Variants in SDK1 observed in about 807,000 individuals in gnomAD.
The protein encoded by SDK1 is sidekick cell adhesion molecule 1, also known as protein sidekick-1.
In SDK1, 157 loss-of-function variants were observed where a neutral mutation model predicts 245.5. The observed-to-expected ratio is 0.64, with a 90% CI of 0.56 to 0.73. The LOEUF is 0.73. Among genes scored for constraint, SDK1 ranks in the 30% least tolerant of loss-of-function variants. The pLI is 0.00. For missense variants in SDK1, 3,583 were observed against 3,002.3 expected (o/e 1.19, Z -4.52); for synonymous variants, 1,647 against 1,278.5 (o/e 1.29, Z -6.15).
At chr7:3,337,401 A>G (rs1338447420) in intron 1 of SDK1, among the ~76,000 whole-genome samples, 3 of 152,136 alleles carry the variant, frequency 2.0e-5, no homozygotes, top group South Asian at 4.1e-4. Context: ...CTCTGGAGTG[A>G]TGATAAAAGA....
At chr7:3,687,596 C>T (rs548278915) in intron 4 of SDK1, among the ~76,000 whole-genome samples, 3 of 152,220 alleles carry the variant, frequency 2.0e-5, no homozygotes, top group African/African-American at 7.2e-5. Context: ...CAAGAAATGG[C>T]GGTGATGAAA....
intron 2 of SDK1, among the ~76,000 whole-genome samples, chr7:3,635,349 A>G (rs1175773744): frequency 1.3e-5 from 2 of 152,306 alleles, no homozygotes; most frequent in South Asian, 2.1e-4. Flanking sequence ...ACATAGTTTG[A>G]TTAATTTTTG....
chr7:4,041,569 C>T, intron 17 of SDK1, among the ~76,000 whole-genome samples: 1 of 152,046 alleles, frequency 6.6e-6, no homozygotes, highest in East Asian at 1.9e-4. Context: ...GAAGAGTTTC[C>T]TTGCCCTCAA....
At chr7:3,612,511 C>T (rs1781625184) in intron 1 of SDK1, among the ~76,000 whole-genome samples, 1 of 152,104 alleles carries the variant, frequency 6.6e-6, no homozygotes, top group Admixed American at 6.5e-5. Context: ...CTACACTTAC[C>T]AGAAAAGGAT....
At chr7:3,741,908 T>C (rs1461486805) in intron 4 of SDK1, among the ~76,000 whole-genome samples, 1 of 151,794 alleles carries the variant, frequency 6.6e-6, no homozygotes, top group African/African-American at 2.4e-5. Context: ...TCAAAAGCAA[T>C]ATCCAGGTAT....
At chr7:3,471,762 G>A (rs1330082421) in intron 1 of SDK1, among the ~76,000 whole-genome samples, 1 of 152,050 alleles carries the variant, frequency 6.6e-6, no homozygotes, top group Non-Finnish European at 1.5e-5. Context: ...AGCTTTGTAT[G>A]GTTTTACTTT....
Position 4,055,290 on chromosome 7 carries a change from G to T in SDK1, c.2911+3460G>T, listed in dbSNP as rs544035569. Among the ~76,000 whole-genome samples, 4 of 152,244 alleles carry T rather than the reference G, an allele frequency of 2.6e-5. No homozygotes were observed. In the South Asian group the frequency reaches 6.2e-4, roughly 24 times the overall value. The stretch of plus-strand genomic sequence containing the variant: ...TTATAAATGGTTTTAGGACTATCCA[G>T]GTTGTCTGTTTCATCTTGGCTGAGT... On this transcript the variant is annotated intron_variant, in intron 19 of 44. Coordinates refer to ENST00000404826, the MANE Select transcript of SDK1 (RefSeq NM_152744.4).
intron 1 of SDK1, among the ~76,000 whole-genome samples, chr7:3,343,685 C>A (rs1014413903): frequency 3.3e-5 from 5 of 151,726 alleles, no homozygotes; most frequent in African/African-American, 9.7e-5. Flanking sequence ...GTATTTCTTA[C>A]AACTGCTTGT....
intron 4 of SDK1, among the ~76,000 whole-genome samples, chr7:3,727,505 T>C (rs1779043890): frequency 6.6e-6 from 1 of 152,146 alleles, no homozygotes; most frequent in Non-Finnish European, 1.5e-5. Flanking sequence ...TTTTCTTTTT[T>C]TTTGAGACGG....
At chr7:4,120,357 C>G (rs75683295) in intron 25 of SDK1, among the ~76,000 whole-genome samples, 33,731 of 148,258 alleles carry the variant, frequency 0.23, 6,432 homozygotes, top group Middle Eastern at 0.33. Context: ...AGAGAAAAAT[C>G]TTAAAAACAA....
intron 9 of SDK1, among the ~76,000 whole-genome samples, chr7:3,965,467 T>C (rs1012394907): frequency 1.3e-5 from 2 of 152,206 alleles, no homozygotes; most frequent in Non-Finnish European, 2.9e-5. Context: ...GATTATGTTA[T>C]CTGTTTTGTA....
At chr7:3,459,552 T>G (rs140678107) in intron 1 of SDK1, among the ~76,000 whole-genome samples, 1 of 152,216 alleles carries the variant, frequency 6.6e-6, no homozygotes, top group Admixed American at 6.5e-5. Context: ...CTTTCCTGTT[T>G]CAAGAAGGAA....
chr7:3,951,768 G>A lies in SDK1; in HGVS notation c.998G>A (p.Gly333Glu), dbSNP rs1175553491. The A allele has an allele frequency of 2.5e-6, 4 of 1,613,852 alleles. No homozygotes were observed. In the East Asian group the frequency reaches 6.7e-5, roughly 27 times the overall value. The change falls in exon 7 of 45, where the codon GGA (glycine) becomes GAA (glutamate). Residue 333 changes from glycine (G) to glutamate (E), a missense_variant. Transcript: ENST00000404826. ...EDLSVTWKRN[G>E]VRITSGLHSF... is the part of the protein sequence containing the mutation. ...CTGAGTGTGACCTGGAAGAGGAATG[G>A]AGTGAGAATCACCAGTGGCCTCCAC...
chr7:4,214,854 C>T (rs555518540), intron 38 of SDK1, among the ~76,000 whole-genome samples: 5 of 152,364 alleles, frequency 3.3e-5, no homozygotes, highest in South Asian at 2.1e-4. Flanking sequence ...GGGTCTTTCC[C>T]GCCACAACAC....
intron 16 of SDK1, among the ~76,000 whole-genome samples, chr7:4,012,820 C>G (rs1022746508): frequency 2.0e-4 from 31 of 151,882 alleles, no homozygotes; most frequent in African/African-American, 7.5e-4. Flanking sequence ...GTGACCTGTC[C>G]TCCTCAGCCT....
chr7:4,008,825 T>A (rs73298924), intron 14 of SDK1, among the ~76,000 whole-genome samples: 1 of 152,318 alleles, frequency 6.6e-6, no homozygotes, highest in East Asian at 1.9e-4. Flanking sequence ...TGCTTCTACC[T>A]TTTGGCTACT....
intron 4 of SDK1, among the ~76,000 whole-genome samples, chr7:3,745,750 T>C (rs1779597330): frequency 6.6e-6 from 1 of 152,108 alleles, no homozygotes; most frequent in African/African-American, 2.4e-5. Context: ...CCAATATAAT[T>C]AGCCAAGATA....
chr7:4,221,491 C>T (rs892630136), intron 40 of SDK1, 127 bp downstream of exon 40: 102 of 1,235,644 alleles, frequency 8.3e-5, no homozygotes, highest in African/African-American at 1.5e-4. Flanking sequence ...ACCAAGAGGG[C>T]GGTTTTGGTG....
At chr7:4,194,296 A>G (rs989833814) in intron 35 of SDK1, among the ~76,000 whole-genome samples, 3 of 100,384 alleles carry the variant, frequency 3.0e-5, no homozygotes, top group Non-Finnish European at 6.6e-5. Context: ...GTATGCACGT[A>G]TGTGTATACA....
Sources: allele counts gnomAD v4.1 joint callset (sites outside exome capture counted in the v4.1 genomes callset), GRCh38; gene constraint gnomAD v4.1.1; transcripts MANE v1.5; gene names NCBI Gene and HGNC (gene_info 2026-07-23, HGNC 2026-07-21).